Variants in PAM observed in about 807,000 individuals in gnomAD.
PAM encodes peptidylglycine alpha-amidating monooxygenase.
A neutral mutation model predicts 122.1 loss-of-function variants in PAM; 72 were observed. The observed-to-expected ratio is 0.59, with a 90% CI of 0.49 to 0.72. The LOEUF is 0.72. Ranked by LOEUF, PAM falls within the 30% of genes least tolerant of loss-of-function variation. PAM has a pLI of 0.00. For synonymous variants in PAM, 389 were observed against 404.4 expected, an observed-to-expected ratio of 0.96 and a Z score of 0.46; for missense variants, 1,106 against 1,183.7, an observed-to-expected ratio of 0.93 and a Z score of 0.96.
At chr5:102,860,550 G>C (rs559199851) in intron 1 of PAM, among the ~76,000 whole-genome samples, 1 of 152,200 alleles carries the variant, frequency 6.6e-6, no homozygotes, top group South Asian at 2.1e-4. Flanking sequence ...GCCAGGTGTA[G>C]TGGTGCATAC....
chr5:102,866,060 G>A lies in PAM; in HGVS notation c.-136G>A, dbSNP rs950908423. 2 of 524,494 alleles carry A rather than the reference G, an allele frequency of 3.8e-6. No individual in the cohort carries two copies. The highest frequency in any genetic ancestry group is 8.2e-5 in the Admixed American group (2 of 24,418). The allele number at this position is 524,494 out of a possible 1,614,324, so 32.5% of individuals were successfully genotyped here. ...CTCGCTGCTCTCGCTGGCGGATGGT[G>A]TGTGGCCGCCGCAGGACGCCCGCCG... is the stretch of plus-strand genomic sequence containing the variant. On this transcript the variant is annotated 5_prime_UTR_variant, in exon 2 of 26. In the 5' UTR this introduces an upstream ATG that the reference lacks. Coordinates refer to ENST00000438793, the MANE Select transcript of PAM (RefSeq NM_001177306.2).
chr5:103,002,981 T>C lies in PAM; in HGVS notation c.1614-52T>C, dbSNP rs570758367. ...TATGTGAATGGTCTGCATTTCTCAA[T>C]TTCATTGGAATTTATGATTGTTTCA... On this transcript the variant is annotated intron_variant, in intron 16 of 25. Coordinates refer to ENST00000438793, the MANE Select transcript of PAM (RefSeq NM_001177306.2). 1.1e-4 allele frequency: 93 copies of C among 851,476 alleles called. No homozygotes were observed. The Admixed American group carries it at 1.3e-3, about 12-fold the overall frequency. 52.7% of individuals were successfully genotyped at this position (851,476 alleles called of 1,614,324 possible). A position where few individuals can be genotyped will look rare whatever the true frequency, so the allele number is the denominator to read the frequency against.
At position 102,946,878 on chromosome 5, in the gene PAM, C is replaced by G. The variant is rs763855719; in HGVS notation, c.568C>G (p.Arg190Gly). The G allele has an allele frequency of 4.4e-6, 7 of 1,598,888 alleles. No homozygotes were observed. The highest frequency in any genetic ancestry group is 1.7e-5 in the Admixed American group (1 of 59,790). ...DCSGVSLHLT[R>G]LPQPLIAGMY... is the part of the protein sequence containing the mutation. ...TTCTGGTGTGTCCTTACACCTCACA[C>G]GTCTGCCGTAAGTACTTCCATTTTT... The change falls in exon 8 of 26, where the codon CGT becomes GGT. Residue 190 changes from arginine to glycine, a missense_variant. Arg to Gly is a moderately radical substitution (Grantham distance 125, BLOSUM62 -2). Coordinates refer to ENST00000438793, the MANE Select transcript of PAM (RefSeq NM_001177306.2).
At chr5:102,783,772 A>T (rs535038495) in intron 1 of PAM, among the ~76,000 whole-genome samples, 2 of 152,276 alleles carry the variant, frequency 1.3e-5, no homozygotes, top group South Asian at 4.1e-4. Context: ...GATGAATAGA[A>T]CCCAGCGCCT....
chr5:102,797,623 A>C (rs1056155110), intron 1 of PAM, among the ~76,000 whole-genome samples: 12 of 152,192 alleles, frequency 7.9e-5, no homozygotes, highest in Admixed American at 7.2e-4. Context: ...TATTTTTCCA[A>C]AGAATTATTG....
intron 1 of PAM, among the ~76,000 whole-genome samples, chr5:102,824,083 G>A (rs32684): frequency 0.67 from 102,045 of 152,024 alleles, 34,495 homozygotes; most frequent in South Asian, 0.8. Flanking sequence ...CAAAACTAGC[G>A]GATGGTTTAG....
chr5:102,758,033 C>T (rs1200730541), intron 1 of PAM, among the ~76,000 whole-genome samples: 1 of 114,584 alleles, frequency 8.7e-6, no homozygotes, highest in Non-Finnish European at 1.7e-5. Flanking sequence ...CAGAGAGAGG[C>T]CCTGTCTCAA....
chr5:102,779,250 A>ATG (rs1757971697), intron 1 of PAM, among the ~76,000 whole-genome samples: 1 of 150,872 alleles, frequency 6.6e-6, no homozygotes, highest in South Asian at 2.1e-4. Context: ...ATATATATAT[A>ATG]TGTATATATA....
chr5:103,005,467 AGGG>A (rs1407746871), intron 18 of PAM, among the ~76,000 whole-genome samples: 1 of 152,222 alleles, frequency 6.6e-6, no homozygotes, highest in Non-Finnish European at 1.5e-5. Flanking sequence ...ATTCAAGAAC[AGGG>A]TGCCAGCATG....
Position 102,867,405 on chromosome 5 carries a change from T to C in PAM, c.210+12T>C, listed in dbSNP as rs756282251. 16 of 1,599,758 alleles carry C rather than the reference T, an allele frequency of 1.0e-5. No homozygotes were observed. In the Admixed American group the frequency reaches 2.5e-4, roughly 25 times the overall value. On this transcript the variant is annotated intron_variant, in intron 3 of 25. Coordinates refer to ENST00000438793, the MANE Select transcript of PAM (RefSeq NM_001177306.2). The stretch of plus-strand genomic sequence containing the variant: ...TTACACCTAAACAGGTGAGAGGAAT[T>C]TTGTCTTTCATTATTCACTTGTTCT...
chr5:102,934,079 AT>A (rs149740140), intron 7 of PAM, among the ~76,000 whole-genome samples: 1,913 of 152,294 alleles, frequency 0.013, 45 homozygotes, highest in African/African-American at 0.043. Flanking sequence ...GGGCCAGGAT[AT>A]TTAAGCCTAT....
intron 3 of PAM, among the ~76,000 whole-genome samples, chr5:102,894,929 T>A (rs1795776887): frequency 6.6e-6 from 1 of 151,784 alleles, no homozygotes; most frequent in Non-Finnish European, 1.5e-5. Context: ...AGCTACAATT[T>A]TTCTGAATAG....
intron 1 of PAM, among the ~76,000 whole-genome samples, chr5:102,854,407 T>C (rs569809632): frequency 1.3e-4 from 20 of 152,292 alleles, no homozygotes; most frequent in African/African-American, 4.6e-4. Context: ...TGCTGGGTAT[T>C]TCACATTTTT....
At chr5:102,927,609 C>T (rs936654427) in intron 7 of PAM, among the ~76,000 whole-genome samples, 6 of 152,028 alleles carry the variant, frequency 3.9e-5, no homozygotes, top group African/African-American at 1.2e-4. Context: ...AAGAGAGCCC[C>T]ATGGGGTAGA....
chr5:102,997,607 A>T (rs766144515), intron 16 of PAM, among the ~76,000 whole-genome samples: 6 of 151,530 alleles, frequency 4.0e-5, no homozygotes, highest in Non-Finnish European at 5.9e-5. Flanking sequence ...TTTTCTTCTC[A>T]TTCCTTCATT....
chr5:103,003,818 GT>G (rs1343225986), intron 17 of PAM, among the ~76,000 whole-genome samples: 1 of 152,128 alleles, frequency 6.6e-6, no homozygotes, highest in East Asian at 1.9e-4. Flanking sequence ...TCACCATTAA[GT>G]AAAAGAGCTT....
chr5:102,828,946 G>A (rs1774546329), intron 1 of PAM, among the ~76,000 whole-genome samples: 1 of 138,180 alleles, frequency 7.2e-6, no homozygotes, highest in Non-Finnish European at 1.5e-5. Context: ...TTGAGACAGA[G>A]TCTTGCTATA....
chr5:102,894,790 G>T (rs1795729394), intron 3 of PAM, among the ~76,000 whole-genome samples: 1 of 151,668 alleles, frequency 6.6e-6, no homozygotes, highest in Non-Finnish European at 1.5e-5. Context: ...CAGAAATCCA[G>T]GAGTTATTCT....
intron 1 of PAM, among the ~76,000 whole-genome samples, chr5:102,835,301 T>C (rs1180712537): frequency 6.6e-6 from 1 of 152,152 alleles, no homozygotes; most frequent in Non-Finnish European, 1.5e-5. Flanking sequence ...ATATACAAAC[T>C]AAATAATAAT....
Sources: allele counts gnomAD v4.1 joint callset (sites outside exome capture counted in the v4.1 genomes callset), GRCh38; gene constraint gnomAD v4.1.1; transcripts MANE v1.5; gene names NCBI Gene and HGNC (gene_info 2026-07-23, HGNC 2026-07-21).